Variants in ALK observed in about 807,000 individuals in gnomAD.
The protein encoded by ALK is ALK receptor tyrosine kinase, also known as ALK tyrosine kinase receptor.
ALK carries 74 observed loss-of-function variants against 163.1 expected under a neutral mutation model. The ratio of observed to expected loss-of-function variants is 0.45; its 90% CI spans 0.38 to 0.55. The LOEUF (loss-of-function observed/expected upper bound fraction) is 0.55. Ranked by LOEUF, ALK falls within the 20% of genes least tolerant of loss-of-function variation. The pLI, the probability that ALK is intolerant of heterozygous loss-of-function variation, is 0.00. For synonymous variants in ALK, 960 were observed against 843.2 expected (o/e 1.14, Z -2.40); for missense variants, 2,063 against 2,105.3 (o/e 0.98, Z 0.39).
At chr2:29,314,485 A>G (rs555668855) in intron 8 of ALK, among the ~76,000 whole-genome samples, 14 of 151,914 alleles carry the variant, frequency 9.2e-5, no homozygotes, top group African/African-American at 3.1e-4. Flanking sequence ...GCATGTGTGT[A>G]TGTGTGTGTG....
chr2:29,877,928 G>A (rs1572461571), intron 1 of ALK, among the ~76,000 whole-genome samples: 1 of 152,272 alleles, frequency 6.6e-6, no homozygotes, highest in Admixed American at 6.5e-5. Context: ...CTAGGATTCT[G>A]GCTTCCTTCC....
intron 3 of ALK, among the ~76,000 whole-genome samples, chr2:29,578,186 GA>G (rs1674578739): frequency 6.6e-6 from 1 of 151,828 alleles, no homozygotes; most frequent in Non-Finnish European, 1.5e-5. Context: ...TTTTAAAAAC[GA>G]GTTTCCCTAC....
intron 1 of ALK, among the ~76,000 whole-genome samples, chr2:29,848,648 C>T (rs188682859): frequency 1.8e-4 from 28 of 152,278 alleles, no homozygotes; most frequent in African/African-American, 6.5e-4. Context: ...AAGGGAGAGG[C>T]TTCCAGCAGG....
At chr2:29,206,765 C>T (rs1669320790) in intron 26 of ALK, among the ~76,000 whole-genome samples, 1 of 134,372 alleles carries the variant, frequency 7.4e-6, no homozygotes, top group Admixed American at 8.0e-5. Flanking sequence ...AACTAAAAGA[C>T]TCCCTTTATT....
intron 3 of ALK, among the ~76,000 whole-genome samples, chr2:29,617,521 A>G (rs1675880827): frequency 6.6e-6 from 1 of 152,202 alleles, no homozygotes; most frequent in African/African-American, 2.4e-5. Context: ...TCCAGTGACT[A>G]GCACCTAGTG....
At chr2:29,288,955 A>T (rs567246209) in intron 9 of ALK, among the ~76,000 whole-genome samples, 4 of 26,824 alleles carry the variant, frequency 1.5e-4, no homozygotes, top group South Asian at 2.7e-3. Context: ...CCTTCTCAAA[A>T]AAATAAATAA....
chr2:29,227,098 G>A lies in ALK; in HGVS notation c.2915-24C>T. The A allele has an allele frequency of 6.2e-7, 1 of 1,614,116 alleles. No individual in the cohort carries two copies. The highest frequency in any genetic ancestry group is 1.3e-5 in the African/African-American group (1 of 75,032). ...CACTAGTGACAAGGAGGGAGGGTCA[G>A]TCTTGGGCCGAGCCTGCCTCCCCAC... On this transcript the variant is annotated intron_variant, in intron 17 of 28. Transcript: ENST00000389048. This position sits in a 1 kb window ranked among gnomAD's most constrained non-coding sequence, Gnocchi z 4.4.
intron 3 of ALK, among the ~76,000 whole-genome samples, chr2:29,537,071 G>A (rs1673277645): frequency 6.6e-6 from 1 of 152,220 alleles, no homozygotes; most frequent in South Asian, 2.1e-4. Context: ...GAGCGTAAGG[G>A]TTTGGAAAAT....
chr2:29,835,881 A>C (rs982758382), intron 1 of ALK, among the ~76,000 whole-genome samples: 1 of 152,184 alleles, frequency 6.6e-6, no homozygotes, highest in Non-Finnish European at 1.5e-5. Flanking sequence ...CGGAACTGTG[A>C]GTCCATTAAA....
At chr2:29,448,238 T>C (rs4341891) in intron 4 of ALK, among the ~76,000 whole-genome samples, 1 of 152,036 alleles carries the variant, frequency 6.6e-6, no homozygotes, top group African/African-American at 2.4e-5. Context: ...GGAAACCTTT[T>C]TGATTTTCCA....
intron 22 of ALK, 46 bp from the exon 23 acceptor site, chr2:29,220,881 T>TG: frequency 6.2e-7 from 1 of 1,612,530 alleles, no homozygotes; most frequent in Non-Finnish European, 8.5e-7. Flanking sequence ...GAGCTGAGTC[T>TG]GGGCAAATCT....
At chr2:29,522,028 C>T (rs1162640930) in intron 4 of ALK, among the ~76,000 whole-genome samples, 2 of 152,078 alleles carry the variant, frequency 1.3e-5, no homozygotes, top group East Asian at 3.9e-4. Flanking sequence ...TGTATGCACA[C>T]CATAGAAAAA....
intron 4 of ALK, among the ~76,000 whole-genome samples, chr2:29,391,491 G>C (rs1255576807): frequency 6.6e-6 from 1 of 152,100 alleles, no homozygotes. Context: ...AGTCAAGATG[G>C]GGTTTCCCCG....
chr2:29,206,827 G>A (rs941009316), intron 26 of ALK, among the ~76,000 whole-genome samples: 13 of 151,738 alleles, frequency 8.6e-5, no homozygotes, highest in African/African-American at 2.9e-4. Flanking sequence ...TGAGGGGCAT[G>A]TGTTCAATCT....
intron 2 of ALK, among the ~76,000 whole-genome samples, chr2:29,705,276 T>C (rs1335421283): frequency 1.0e-4 from 5 of 48,776 alleles, no homozygotes; most frequent in African/African-American, 5.4e-4. Flanking sequence ...TATATATATA[T>C]ATATAAATAT....
At position 29,302,239 on chromosome 2, in the gene ALK, C is replaced by T. The variant is rs190586822; in HGVS notation, c.1648-5182G>A. 2.5e-4 allele frequency among the ~76,000 whole-genome samples: 38 copies of T among 152,274 alleles called. No individual in the cohort carries two copies. The South Asian group carries it at 2.7e-3, about 11-fold the overall frequency. On this transcript the variant is annotated intron_variant, in intron 8 of 28. Coordinates refer to ENST00000389048, the MANE Select transcript of ALK (RefSeq NM_004304.5). The stretch of plus-strand genomic sequence containing the variant: ...GAGAATTAAATAATTAACTTCCGGC[C>T]GGGTGCGGTGGCTCACGCCTGTAAT...
chr2:29,348,869 A>G (rs1328479504), intron 5 of ALK, among the ~76,000 whole-genome samples: 1 of 152,170 alleles, frequency 6.6e-6, no homozygotes, highest in African/African-American at 2.4e-5. Context: ...CATTAAAGGG[A>G]CCCAGATTCA....
chr2:29,920,852 A>T lies in ALK; in HGVS notation c.-193T>A. ...GGAGGCGAGCAGGAGTCTAAATGAA[A>T]CAGACCTGGAAGCTCAGGGGCGAGT... On this transcript the variant is annotated 5_prime_UTR_variant, in exon 1 of 29. Coordinates refer to ENST00000389048, the MANE Select transcript of ALK (RefSeq NM_004304.5). The T allele has an allele frequency of 1.7e-6, 1 of 603,570 alleles. No homozygotes were observed. The allele number at this position is 603,570 out of a possible 1,614,324, so 37.4% of individuals were successfully genotyped here. A position where few individuals can be genotyped will look rare whatever the true frequency, so the allele number is the denominator to read the frequency against.
At chr2:29,478,182 A>G (rs1326213612) in intron 4 of ALK, among the ~76,000 whole-genome samples, 1 of 152,260 alleles carries the variant, frequency 6.6e-6, no homozygotes, top group Non-Finnish European at 1.5e-5. Context: ...ACAGGAATAC[A>G]AACACCCATG....
Sources: allele counts gnomAD v4.1 joint callset (sites outside exome capture counted in the v4.1 genomes callset), GRCh38; gene constraint gnomAD v4.1.1; non-coding constraint Gnocchi (gnomAD v3.1); transcripts MANE v1.5; gene names NCBI Gene and HGNC (gene_info 2026-07-23, HGNC 2026-07-21).